VPS13C: variants seen among roughly 807,000 people sequenced by gnomAD.
VPS13C encodes the protein intermembrane lipid transfer protein VPS13C.
In VPS13C, 358 loss-of-function variants were observed where a neutral mutation model predicts 456.8. The observed-to-expected ratio is 0.78, with a 90% CI of 0.72 to 0.86. The LOEUF is 0.86. VPS13C is among the 40% of genes least tolerant of loss of function. The pLI, the probability that VPS13C is intolerant of heterozygous loss-of-function variation, is 0.00. For missense variants in VPS13C, 4,818 were observed against 4,385.4 expected (o/e 1.10, Z -2.79); for synonymous variants, 1,578 against 1,486.7 (o/e 1.06, Z -1.41).
intron 15 of VPS13C, among the ~76,000 whole-genome samples, chr15:62,002,865 T>C (rs1444891248): frequency 6.6e-6 from 1 of 152,170 alleles, no homozygotes; most frequent in Non-Finnish European, 1.5e-5. Context: ...CTCTGTTCTG[T>C]TCCATTGATC....
At chr15:61,942,326 T>A (rs911610724) in intron 45 of VPS13C, among the ~76,000 whole-genome samples, 4 of 151,408 alleles carry the variant, frequency 2.6e-5, no homozygotes, top group African/African-American at 9.7e-5. Flanking sequence ...TATAAAATAA[T>A]TGAGAATTAT....
chr15:62,058,852 G>A (rs1423107163), intron 1 of VPS13C, among the ~76,000 whole-genome samples: 2 of 152,024 alleles, frequency 1.3e-5, no homozygotes, highest in Admixed American at 1.3e-4. Flanking sequence ...AGGAGTTGGA[G>A]GCTGCAATGA....
In VPS13C at chr15:61,934,207, T is replaced by A; in HGVS notation, c.5868+12A>T. 1 of 1,519,178 alleles carries A rather than the reference T, an allele frequency of 6.6e-7. No homozygotes were observed. Among genetic ancestry groups the A allele is most frequent in the Non-Finnish European group, 8.9e-7 (1 of 1,118,454 alleles). 94.1% of individuals were successfully genotyped at this position (1,519,178 alleles called of 1,614,324 possible). On this transcript the variant is annotated intron_variant, in intron 49 of 84. Coordinates refer to ENST00000644861, the MANE Select transcript of VPS13C (RefSeq NM_020821.3). The stretch of plus-strand genomic sequence containing the variant: ...AAGGATTTATTTCTAATTACAGAAA[T>A]GTATTACATACCTGGTTGATATCAT...
intron 16 of VPS13C, among the ~76,000 whole-genome samples, chr15:61,998,226 G>C (rs1289619184): frequency 2.0e-5 from 3 of 152,114 alleles, no homozygotes; most frequent in African/African-American, 7.2e-5. Flanking sequence ...TCAGATCTTT[G>C]CTCAAATGTT....
At chr15:61,976,474 G>C (rs181833795) in intron 24 of VPS13C, among the ~76,000 whole-genome samples, 1 of 151,974 alleles carries the variant, frequency 6.6e-6, no homozygotes, top group Non-Finnish European at 1.5e-5. Flanking sequence ...TGTTGTCCAG[G>C]GACTGGGGGA....
At chr15:62,035,509 C>A (rs2047963457) in intron 3 of VPS13C, among the ~76,000 whole-genome samples, 1 of 151,858 alleles carries the variant, frequency 6.6e-6, no homozygotes, top group Non-Finnish European at 1.5e-5. Context: ...TCCACATCAA[C>A]AAATAAATCC....
At chr15:62,023,038 C>T (rs2047516024) in intron 8 of VPS13C, among the ~76,000 whole-genome samples, 1 of 151,770 alleles carries the variant, frequency 6.6e-6, no homozygotes, top group Non-Finnish European at 1.5e-5. Flanking sequence ...ACTTTTTGGC[C>T]AATTAACATT....
chr15:61,953,863 T>A (rs2044890049), intron 38 of VPS13C, among the ~76,000 whole-genome samples: 1 of 152,170 alleles, frequency 6.6e-6, no homozygotes, highest in Non-Finnish European at 1.5e-5. Flanking sequence ...ATTAGTATCC[T>A]CAGCAGAGTT....
At chr15:61,902,279 G>T (rs4774424) in intron 66 of VPS13C, among the ~76,000 whole-genome samples, 21,215 of 72,058 alleles carry the variant, frequency 0.29, 1,690 homozygotes, top group Admixed American at 0.39. Flanking sequence ...GAAAAAAAAC[G>T]TAAAAAAAAA....
chr15:61,927,357 G>C (rs760848939), intron 51 of VPS13C, 37 bp from the exon 52 acceptor site: 16 of 1,552,462 alleles, frequency 1.0e-5, no homozygotes, highest in Admixed American at 9.0e-5. Flanking sequence ...AAAAGTTTAA[G>C]GTAAGTCTTT....
rs2140047684 is a variant in VPS13C, at chr15:61,882,830, CTT to C, written c.9484-96_9484-95del. ...TGTTTATTGATCAAATTGAAAAAAT[CTT>C]TATCTTTATGTCTCACCAACAGATC... On this transcript the variant is annotated intron_variant, in intron 68 of 84. Coordinates refer to ENST00000644861, the MANE Select transcript of VPS13C (RefSeq NM_020821.3). The C allele has an allele frequency of 6.1e-6, 8 of 1,313,188 alleles. No homozygotes were observed. The South Asian group carries it at 1.4e-4, about 24-fold the overall frequency. 81.3% of individuals were successfully genotyped at this position (1,313,188 alleles called of 1,614,324 possible).
chr15:62,042,814 T>A (rs1188106617), intron 2 of VPS13C, among the ~76,000 whole-genome samples: 3 of 151,918 alleles, frequency 2.0e-5, no homozygotes, highest in East Asian at 1.9e-4. Flanking sequence ...ATACCTAATG[T>A]AAATGACAAG....
intron 1 of VPS13C, among the ~76,000 whole-genome samples, chr15:62,058,935 A>G (rs2048895030): frequency 6.6e-6 from 1 of 151,524 alleles, no homozygotes; most frequent in Admixed American, 6.6e-5. Flanking sequence ...AAGCCAAAAA[A>G]AAAAAACAAC....
In VPS13C at chr15:62,046,279, A is replaced by G. The variant is rs572687473; in HGVS notation, c.101-2024T>C. On this transcript the variant is annotated intron_variant, in intron 1 of 84. Transcript: ENST00000644861. ...GGTGAAAGACGTAGAGTCATAGTAAAGAGTTATTTTGGAGGCAGAATTGAC... is the reference window on the plus strand; with the variant it reads ...GGTGAAAGACGTAGAGTCATAGTAAGGAGTTATTTTGGAGGCAGAATTGAC... 2.0e-5 allele frequency among the ~76,000 whole-genome samples: 3 copies of G among 152,306 alleles called. No homozygotes were observed. In the East Asian group the frequency reaches 5.8e-4, roughly 29 times the overall value.
chr15:62,012,023 G>A, intron 12 of VPS13C, 84 bp downstream of exon 12: 1 of 852,104 alleles, frequency 1.2e-6, no homozygotes, highest in South Asian at 1.6e-5. Context: ...GACTAAGTAA[G>A]TTTATCAGAA....
At chr15:62,036,645 T>C (rs1398633691) in intron 3 of VPS13C, among the ~76,000 whole-genome samples, 1 of 152,066 alleles carries the variant, frequency 6.6e-6, no homozygotes, top group Admixed American at 6.6e-5. Context: ...TTTGATTGCC[T>C]TCTTGGTGAG....
At chr15:61,879,742 A>G (rs1236773531) in intron 73 of VPS13C, among the ~76,000 whole-genome samples, 1 of 152,116 alleles carries the variant, frequency 6.6e-6, no homozygotes, top group African/African-American at 2.4e-5. Flanking sequence ...TCAATCCCAC[A>G]AATAACTGAT....
intron 1 of VPS13C, among the ~76,000 whole-genome samples, chr15:62,049,124 T>A (rs1222415430): frequency 8.2e-4 from 125 of 151,994 alleles, no homozygotes; most frequent in African/African-American, 2.4e-3. Flanking sequence ...CCCATTTGTC[T>A]ATTTTGGCTT....
In VPS13C at chr15:61,874,956, C is replaced by T; in HGVS notation, c.10339-5G>A. 1 of 1,506,384 alleles carries T rather than the reference C, an allele frequency of 6.6e-7. No individual in the cohort carries two copies. Among genetic ancestry groups the T allele is most frequent in the Non-Finnish European group, 8.8e-7 (1 of 1,131,836 alleles). The allele number at this position is 1,506,384 out of a possible 1,614,324, so 93.3% of individuals were successfully genotyped here. A position where few individuals can be genotyped will look rare whatever the true frequency, so the allele number is the denominator to read the frequency against. Reference sequence around the variant, plus strand: ...TTCAGGGCCTTGAACAGCACCCTGGCAAAAAAAAATAAAAAATAATCTTAT... The same window carrying T: ...TTCAGGGCCTTGAACAGCACCCTGGTAAAAAAAAATAAAAAATAATCTTAT... On this transcript the variant is annotated splice_region_variant and splice_polypyrimidine_tract_variant and intron_variant, in intron 76 of 84. Transcript: ENST00000644861.
Sources: allele counts gnomAD v4.1 joint callset (sites outside exome capture counted in the v4.1 genomes callset), GRCh38; gene constraint gnomAD v4.1.1; transcripts MANE v1.5; gene names NCBI Gene and HGNC (gene_info 2026-07-23, HGNC 2026-07-21).